ANKS1B: variants seen among roughly 807,000 people sequenced by gnomAD.
ANKS1B encodes ankyrin repeat and sterile alpha motif domain containing 1B, also known as ankyrin repeat and sterile alpha motif domain-containing protein 1B.
ANKS1B carries 36 observed loss-of-function variants against 148.3 expected under a neutral mutation model. That is an observed-to-expected ratio of 0.24 (90% CI 0.19 to 0.32). The LOEUF is 0.32. Ranked by LOEUF, ANKS1B falls within the 10% of genes least tolerant of loss-of-function variation. ANKS1B has a pLI of 1.00. For missense variants in ANKS1B, 1,157 were observed against 1,542.6 expected, an observed-to-expected ratio of 0.75 and a Z score of 4.19; for synonymous variants, 542 against 560.8, an observed-to-expected ratio of 0.97 and a Z score of 0.47.
intron 15 of ANKS1B, among the ~76,000 whole-genome samples, chr12:99,148,774 C>T (rs779653209): frequency 3.9e-5 from 6 of 152,218 alleles, no homozygotes; most frequent in Non-Finnish European, 8.8e-5. Context: ...TCCAGATAAA[C>T]AATAATTCCT....
chr12:98,927,045 A>G (rs1259545253), intron 17 of ANKS1B, among the ~76,000 whole-genome samples: 2 of 152,160 alleles, frequency 1.3e-5, no homozygotes, highest in Non-Finnish European at 2.9e-5. Flanking sequence ...GGGCAAACTC[A>G]AAGAGATCCT....
intron 24 of ANKS1B, 141 bp downstream of exon 24, chr12:98,780,976 G>T: frequency 1.7e-6 from 1 of 600,008 alleles, no homozygotes; most frequent in Non-Finnish European, 3.0e-6. Context: ...TGTATCTATA[G>T]GTATATGTAG....
chr12:99,586,077 C>T lies in ANKS1B; in HGVS notation c.1272+68990G>A, dbSNP rs1384559582. 5.9e-5 allele frequency among the ~76,000 whole-genome samples: 9 copies of T among 152,330 alleles called. No individual in the cohort carries two copies. In the East Asian group the frequency reaches 1.7e-3, roughly 29 times the overall value. On this transcript the variant is annotated intron_variant, in intron 9 of 26. Coordinates refer to ENST00000683438, the MANE Select transcript of ANKS1B (RefSeq NM_001352186.2). Reference sequence around the variant, plus strand: ...GAATTTTTCCCTTCTATTGCATCATCAGGCTGCAAATTTTCTGAACTTTTA... The same window carrying T: ...GAATTTTTCCCTTCTATTGCATCATTAGGCTGCAAATTTTCTGAACTTTTA...
chr12:99,776,447 G>A (rs2063657573), intron 6 of ANKS1B, among the ~76,000 whole-genome samples: 1 of 152,166 alleles, frequency 6.6e-6, no homozygotes, highest in South Asian at 2.1e-4. Context: ...TCAGCTAATA[G>A]GTGGCAAAGC....
At chr12:99,392,171 G>A (rs923835691) in intron 12 of ANKS1B, among the ~76,000 whole-genome samples, 2 of 152,196 alleles carry the variant, frequency 1.3e-5, no homozygotes, top group Admixed American at 1.3e-4. Context: ...CTGTCGGCTG[G>A]AGGCCAAAGC....
chr12:99,855,214 T>C (rs1603351844), intron 1 of ANKS1B, among the ~76,000 whole-genome samples: 1 of 152,114 alleles, frequency 6.6e-6, no homozygotes. Flanking sequence ...GAAAAAGATA[T>C]TCCATGCCAA....
chr12:99,114,442 T>A (rs1197137052), intron 15 of ANKS1B, among the ~76,000 whole-genome samples: 4 of 152,162 alleles, frequency 2.6e-5, no homozygotes, highest in African/African-American at 9.7e-5. Context: ...AGAAGTCTAA[T>A]ATACAGCATC....
chr12:98,857,873 A>C (rs7132114), intron 17 of ANKS1B, among the ~76,000 whole-genome samples: 10,014 of 152,278 alleles, frequency 0.066, 1,034 homozygotes, highest in African/African-American at 0.22. Flanking sequence ...ATGAATGTTC[A>C]GAGGGAAAAG....
chr12:99,586,799 G>A (rs992157571), intron 9 of ANKS1B, among the ~76,000 whole-genome samples: 1 of 152,180 alleles, frequency 6.6e-6, no homozygotes, highest in Non-Finnish European at 1.5e-5. Flanking sequence ...CAAAGAGTAT[G>A]TGCGGGGGAA....
intron 15 of ANKS1B, among the ~76,000 whole-genome samples, chr12:99,115,229 T>A (rs2061103828): frequency 6.6e-6 from 1 of 152,116 alleles, no homozygotes; most frequent in African/African-American, 2.4e-5. Flanking sequence ...TAAATGCCCA[T>A]CAATGACAGA....
intron 18 of ANKS1B, 69 bp downstream of exon 18, chr12:98,831,960 C>A: frequency 1.4e-6 from 2 of 1,421,750 alleles, no homozygotes; most frequent in Non-Finnish European, 9.7e-7. Context: ...CCATGTTGGC[C>A]AGGCTGGTCT....
At chr12:99,012,880 T>A (rs1330824162) in intron 17 of ANKS1B, among the ~76,000 whole-genome samples, 1 of 152,226 alleles carries the variant, frequency 6.6e-6, no homozygotes, top group Admixed American at 6.5e-5. Context: ...GAAGATCCTG[T>A]CTACCACAAA....
chr12:99,649,624 C>G lies in ANKS1B; in HGVS notation c.1272+5443G>C, dbSNP rs1184397536. 6.1e-6 allele frequency: 3 copies of G among 488,582 alleles called. No homozygotes were observed. The East Asian group carries it at 1.0e-4, about 17-fold the overall frequency. 30.3% of individuals were successfully genotyped at this position (488,582 alleles called of 1,614,324 possible). On this transcript the variant is annotated intron_variant, in intron 9 of 26. Transcript: ENST00000683438. ...GAGGTCCAGGAGGAAGTATAGCCAG[C>G]ATGGCTATTAGTGGGTGCTTCCATG...
chr12:99,313,559 C>T (rs997104808), intron 12 of ANKS1B, among the ~76,000 whole-genome samples: 1 of 152,178 alleles, frequency 6.6e-6, no homozygotes, highest in Non-Finnish European at 1.5e-5. Flanking sequence ...CATCAAAAAG[C>T]TTAGCCACCA....
intron 12 of ANKS1B, among the ~76,000 whole-genome samples, chr12:99,265,697 T>C (rs2076380222): frequency 6.6e-6 from 1 of 152,160 alleles, no homozygotes; most frequent in African/African-American, 2.4e-5. Flanking sequence ...AAGAACCAAC[T>C]GTGACAATGT....
chr12:99,759,002 G>A (rs2061832396), intron 8 of ANKS1B, among the ~76,000 whole-genome samples: 1 of 151,794 alleles, frequency 6.6e-6, no homozygotes, highest in African/African-American at 2.4e-5. Flanking sequence ...TATTCTGAGG[G>A]CAGGCAATTT....
At chr12:98,985,292 T>C (rs572561276) in intron 17 of ANKS1B, among the ~76,000 whole-genome samples, 3 of 152,208 alleles carry the variant, frequency 2.0e-5, no homozygotes, top group Middle Eastern at 6.8e-3. Context: ...AAAAAATTTT[T>C]TTTTGCAGAG....
At chr12:99,416,487 C>G (rs1053964780) in intron 11 of ANKS1B, among the ~76,000 whole-genome samples, 3 of 152,210 alleles carry the variant, frequency 2.0e-5, no homozygotes, top group South Asian at 2.1e-4. Context: ...ATGAGCTTCT[C>G]TGTATCCTTG....
chr12:99,348,072 C>T (rs1212370858), intron 12 of ANKS1B, among the ~76,000 whole-genome samples: 1 of 151,896 alleles, frequency 6.6e-6, no homozygotes, highest in African/African-American at 2.4e-5. Context: ...TAGAAGGTTT[C>T]TACAGCACTT....
Sources: allele counts gnomAD v4.1 joint callset (sites outside exome capture counted in the v4.1 genomes callset), GRCh38; gene constraint gnomAD v4.1.1; transcripts MANE v1.5; gene names NCBI Gene and HGNC (gene_info 2026-07-23, HGNC 2026-07-21).